Variants in PLXNA4 observed in about 807,000 individuals in gnomAD.
PLXNA4 encodes plexin A4.
A neutral mutation model predicts 191.8 loss-of-function variants in PLXNA4; 44 were observed. That is an observed-to-expected ratio of 0.23 (90% confidence interval 0.18 to 0.29). PLXNA4 has a LOEUF of 0.29. Among genes scored for constraint, PLXNA4 ranks in the 10% least tolerant of loss-of-function variants. The pLI is 1.00. For missense variants in PLXNA4, 1,800 were observed against 2,488.8 expected (o/e 0.72, Z 5.89); for synonymous variants, 1,082 against 1,009.5 (o/e 1.07, Z -1.36).
chr7:132,534,497 G>T (rs1196356022), intron 1 of PLXNA4, among the ~76,000 whole-genome samples: 1 of 152,160 alleles, frequency 6.6e-6, no homozygotes, highest in Non-Finnish European at 1.5e-5. Context: ...TCTGGCTCCA[G>T]GGGCCCTGTC....
At chr7:132,593,235 C>T (rs1802635670) in intron 2 of PLXNA4, among the ~76,000 whole-genome samples, 1 of 152,340 alleles carries the variant, frequency 6.6e-6, no homozygotes, top group Non-Finnish European at 1.5e-5. Flanking sequence ...AAATTAGCTC[C>T]TCTCCCTGCC....
intron 3 of PLXNA4, among the ~76,000 whole-genome samples, chr7:132,435,275 A>C (rs182290488): frequency 2.0e-5 from 3 of 152,270 alleles, no homozygotes; most frequent in African/African-American, 7.2e-5. Flanking sequence ...GGAAAAAACA[A>C]GGGAGGAAAG....
At chr7:132,246,014 T>C (rs1799037183) in intron 4 of PLXNA4, among the ~76,000 whole-genome samples, 1 of 152,328 alleles carries the variant, frequency 6.6e-6, no homozygotes, top group East Asian at 1.9e-4. Flanking sequence ...TGGAGGGTGG[T>C]GATGCTTGCA....
chr7:132,151,428 AGGAAGGAGGAGGAGGAGGAAGAAG>A (rs1562885191), intron 25 of PLXNA4, among the ~76,000 whole-genome samples: 24 of 73,390 alleles, frequency 3.3e-4, no homozygotes, highest in African/African-American at 5.1e-4. Context: ...GAGGAGGAGG[AGGAAGGAGGAGGAGGAGGAAGAAG>A]AAGGAGGAGG....
intron 9 of PLXNA4, among the ~76,000 whole-genome samples, chr7:132,218,102 G>T (rs1445372169): frequency 1.3e-5 from 2 of 152,048 alleles, no homozygotes; most frequent in African/African-American, 2.4e-5. Flanking sequence ...AGGGCATGGG[G>T]CTTATTTCAG....
chr7:132,139,624 C>T (rs1319770918), intron 30 of PLXNA4, among the ~76,000 whole-genome samples: 1 of 152,206 alleles, frequency 6.6e-6, no homozygotes, highest in African/African-American at 2.4e-5. Flanking sequence ...GGGGCTACCT[C>T]ATTCTGTAGG....
chr7:132,221,626 C>T (rs1798148933), intron 9 of PLXNA4, among the ~76,000 whole-genome samples: 1 of 152,168 alleles, frequency 6.6e-6, no homozygotes, highest in Admixed American at 6.5e-5. Context: ...TTCTTATTAC[C>T]TTTATATCCA....
intron 2 of PLXNA4, among the ~76,000 whole-genome samples, chr7:132,615,992 C>T (rs535763810): frequency 7.1e-4 from 105 of 147,430 alleles, no homozygotes; most frequent in Middle Eastern, 3.5e-3. Context: ...TTCGCCCTAT[C>T]CCCAAATCAG....
At chr7:132,642,349 C>T (rs891705712) in intron 2 of PLXNA4, among the ~76,000 whole-genome samples, 4 of 152,038 alleles carry the variant, frequency 2.6e-5, no homozygotes, top group African/African-American at 9.7e-5. Flanking sequence ...AAATTCCTAA[C>T]AGCATACAAA....
intron 2 of PLXNA4, among the ~76,000 whole-genome samples, chr7:132,598,252 G>A (rs1366645471): frequency 1.3e-5 from 2 of 152,124 alleles, no homozygotes; most frequent in Middle Eastern, 3.2e-3. Context: ...GGGACTACAG[G>A]TGCTCACCAC....
At chr7:132,302,742 G>A (rs912041704) in intron 3 of PLXNA4, among the ~76,000 whole-genome samples, 29 of 151,872 alleles carry the variant, frequency 1.9e-4, no homozygotes, top group African/African-American at 6.8e-4. Flanking sequence ...AGGAAAGACA[G>A]CCCATGCCAG....
At chr7:132,276,474 G>A (rs1800285860) in intron 4 of PLXNA4, among the ~76,000 whole-genome samples, 1 of 151,544 alleles carries the variant, frequency 6.6e-6, no homozygotes. Context: ...TTGGCGCCCT[G>A]CCTGTTGTTG....
chr7:132,644,649 T>C (rs969804567), intron 2 of PLXNA4, among the ~76,000 whole-genome samples: 1 of 152,208 alleles, frequency 6.6e-6, no homozygotes, highest in Non-Finnish European at 1.5e-5. Flanking sequence ...GGGAAATAGA[T>C]GGTCCCAGCC....
chr7:132,219,601 G>T (rs1798077801), intron 9 of PLXNA4, among the ~76,000 whole-genome samples: 1 of 152,116 alleles, frequency 6.6e-6, no homozygotes, highest in East Asian at 1.9e-4. Flanking sequence ...CCCCTAGAGT[G>T]GTGACAGGAC....
intron 30 of PLXNA4, among the ~76,000 whole-genome samples, chr7:132,136,597 C>T (rs1483631741): frequency 2.0e-5 from 3 of 152,174 alleles, no homozygotes; most frequent in Non-Finnish European, 4.4e-5. Flanking sequence ...GCATCCTCCA[C>T]TGTTGGCCAG....
At chr7:132,489,999 G>A (rs1260935131) in intron 2 of PLXNA4, among the ~76,000 whole-genome samples, 4 of 152,232 alleles carry the variant, frequency 2.6e-5, no homozygotes, top group Non-Finnish European at 5.9e-5. Flanking sequence ...TGTAGACTAG[G>A]GAACTGAAAA....
chr7:132,268,259 C>T (rs1799929245), intron 4 of PLXNA4, among the ~76,000 whole-genome samples: 1 of 152,202 alleles, frequency 6.6e-6, no homozygotes, highest in South Asian at 2.1e-4. Context: ...GAACTTATTT[C>T]ACAGGGGAAT....
At position 132,444,471 on chromosome 7, in the gene PLXNA4, T is replaced by C. The variant is rs953249450; in HGVS notation, c.1371+44821A>G. 3.3e-5 allele frequency among the ~76,000 whole-genome samples: 5 copies of C among 152,196 alleles called. No homozygotes were observed. In the South Asian group the frequency reaches 1.0e-3, roughly 32 times the overall value. ...GGTTTCACCACAATGGCCAGGCTGA[T>C]CTCGAACTCTTGACCTCCCAAAGTG... is the stretch of plus-strand genomic sequence containing the variant. On this transcript the variant is annotated intron_variant, in intron 3 of 31. Transcript: ENST00000321063.
At chr7:132,610,219 G>C (rs1487988035) in intron 2 of PLXNA4, among the ~76,000 whole-genome samples, 2 of 152,216 alleles carry the variant, frequency 1.3e-5, no homozygotes, top group African/African-American at 4.8e-5. Context: ...AAGATGGCAG[G>C]AGCCCCAGCC....
Sources: allele counts gnomAD v4.1 joint callset (sites outside exome capture counted in the v4.1 genomes callset), GRCh38; gene constraint gnomAD v4.1.1; transcripts MANE v1.5; gene names NCBI Gene and HGNC (gene_info 2026-07-23, HGNC 2026-07-21).